Variants in SLC35F3 observed in about 807,000 individuals in gnomAD.
SLC35F3 encodes solute carrier family 35 member F3, also known as putative thiamine transporter SLC35F3.
A neutral mutation model predicts 49.9 loss-of-function variants in SLC35F3; 25 were observed. The ratio of observed to expected loss-of-function variants is 0.50; its 90% CI spans 0.37 to 0.70. The LOEUF (loss-of-function observed/expected upper bound fraction) is 0.70. Among genes scored for constraint, SLC35F3 ranks in the 30% least tolerant of loss-of-function variants. The pLI is 0.00. For synonymous variants in SLC35F3, 275 were observed against 265.4 expected, an observed-to-expected ratio of 1.04 and a Z score of -0.35; for missense variants, 525 against 639.8, an observed-to-expected ratio of 0.82 and a Z score of 1.94.
At chr1:234,012,265 A>G (rs1312642834) in intron 2 of SLC35F3, among the ~76,000 whole-genome samples, 1 of 152,200 alleles carries the variant, frequency 6.6e-6, no homozygotes, top group East Asian at 1.9e-4. Flanking sequence ...AATTGAACAA[A>G]TGTACAATTG....
At chr1:234,143,133 G>A (rs1665942065) in intron 2 of SLC35F3, among the ~76,000 whole-genome samples, 1 of 151,936 alleles carries the variant, frequency 6.6e-6, no homozygotes, top group Non-Finnish European at 1.5e-5. Flanking sequence ...CTGTACTTTA[G>A]ACCTCTAGAT....
intron 2 of SLC35F3, among the ~76,000 whole-genome samples, chr1:234,015,465 G>A (rs1270900520): frequency 1.3e-5 from 2 of 151,968 alleles, no homozygotes; most frequent in African/African-American, 4.8e-5. Context: ...ATAGACACAT[G>A]GACTTATGGA....
chr1:234,194,989 T>G (rs575846055), intron 2 of SLC35F3, among the ~76,000 whole-genome samples: 1 of 152,274 alleles, frequency 6.6e-6, no homozygotes, highest in African/African-American at 2.4e-5. Context: ...ACTTTCAGCA[T>G]CCTCCAGGCA....
chr1:234,032,245 A>G (rs189438862), intron 2 of SLC35F3, among the ~76,000 whole-genome samples: 12 of 152,276 alleles, frequency 7.9e-5, no homozygotes, highest in Admixed American at 3.3e-4. Context: ...ATTTTTAAAT[A>G]TACTCATCAT....
chr1:234,017,892 T>C (rs1255352478), intron 2 of SLC35F3, among the ~76,000 whole-genome samples: 1 of 151,898 alleles, frequency 6.6e-6, no homozygotes. Flanking sequence ...TCAAGGAAGC[T>C]TCTCTAAGGC....
At chr1:234,222,700 C>A (rs978399585) in intron 2 of SLC35F3, among the ~76,000 whole-genome samples, 7 of 152,220 alleles carry the variant, frequency 4.6e-5, no homozygotes, top group Non-Finnish European at 1.0e-4. Context: ...CTGCATATAA[C>A]CTGCCCTCCT....
chr1:233,947,301 A>G (rs889260513), intron 2 of SLC35F3, among the ~76,000 whole-genome samples: 1 of 152,148 alleles, frequency 6.6e-6, no homozygotes, highest in African/African-American at 2.4e-5. Context: ...CCATACTCCC[A>G]CAGGGCATAT....
chr1:234,032,974 T>G (rs1664085355), intron 2 of SLC35F3, among the ~76,000 whole-genome samples: 1 of 152,178 alleles, frequency 6.6e-6, no homozygotes, highest in African/African-American at 2.4e-5. Flanking sequence ...TAGTTTATAT[T>G]CCCACGAACA....
rs145592492 is a variant in SLC35F3, at chr1:233,905,600, A to G, written c.125A>G (p.Lys42Arg). 5.0e-6 allele frequency: 8 copies of G among 1,614,028 alleles called. No individual in the cohort carries two copies. Among genetic ancestry groups the G allele is most frequent in the African/African-American group, 1.3e-5 (1 of 74,930 alleles). ...SDISPQLRQL[K>R]YLVVDEAIKE... is the part of the protein sequence containing the mutation. ...ATCAGCCCCCAGCTCCGGCAGCTCAAGTACTTGGTGGTGGACGAGGCGATT... is the reference window on the plus strand; with the variant it reads ...ATCAGCCCCCAGCTCCGGCAGCTCAGGTACTTGGTGGTGGACGAGGCGATT... Residue 42 changes from lysine to arginine, a missense_variant, in exon 2 of 8, where the codon AAG becomes AGG. Physicochemically the swap from Lys to Arg is conservative, Grantham distance 26. Around this residue, in one of 4 missense-constraint regions of SLC35F3, gnomAD observed 228 missense variants for 218.9 expected, o/e 1.04. Transcript: ENST00000366618.
intron 2 of SLC35F3, among the ~76,000 whole-genome samples, chr1:234,022,186 C>T (rs1663905759): frequency 6.6e-6 from 1 of 152,160 alleles, no homozygotes; most frequent in Non-Finnish European, 1.5e-5. Flanking sequence ...CGTTGAGTTG[C>T]AGGCTGGAAG....
chr1:233,905,702 G>C lies in SLC35F3; in HGVS notation c.227G>C (p.Arg76Pro), dbSNP rs747640163. Residue 76 changes from arginine (R) to proline (P), a missense_variant, in exon 2 of 8, where the codon CGG becomes CCG. Physicochemically the swap from Arg to Pro is moderately radical, Grantham distance 103. This residue lies in a region of SLC35F3 where 228 missense variants were observed against 218.9 expected (regional missense o/e 1.04). Transcript: ENST00000366618. ...GPVGLTSIEE[R>P]ILRITGYYGY... ...GTGGGGCTCACGTCCATCGAGGAGCGGATCCTGCGCATCACTGGCTACTAT... is the reference window on the plus strand; with the variant it reads ...GTGGGGCTCACGTCCATCGAGGAGCCGATCCTGCGCATCACTGGCTACTAT... 6.2e-7 allele frequency: 1 copy of C among 1,614,194 alleles called. No individual in the cohort carries two copies. The highest frequency in any genetic ancestry group is 8.5e-7 in the Non-Finnish European group (1 of 1,180,028).
intron 2 of SLC35F3, among the ~76,000 whole-genome samples, chr1:234,009,012 T>G (rs879640823): frequency 2.6e-5 from 4 of 152,236 alleles, no homozygotes; most frequent in Non-Finnish European, 5.9e-5. Flanking sequence ...TTACATAAAG[T>G]TAATACTCTA....
At chr1:234,227,151 G>A (rs1165564586) in intron 2 of SLC35F3, among the ~76,000 whole-genome samples, 2 of 152,194 alleles carry the variant, frequency 1.3e-5, no homozygotes, top group Admixed American at 6.5e-5. Context: ...CATTGGGCCA[G>A]AGTGTATAAT....
rs566152610 is a variant in SLC35F3 at position 234,276,576 on chromosome 1, T to C, written c.609-32525T>C. On this transcript the variant is annotated intron_variant, in intron 3 of 7. Coordinates refer to ENST00000366618, the MANE Select transcript of SLC35F3 (RefSeq NM_173508.4). ...ATGGGAGCTGTGTCCTGTTGATCCA[T>C]ATCTATCACCAGGACCTGGCCCAGT... Among the ~76,000 whole-genome samples, 65 of 152,314 alleles carry C rather than the reference T, an allele frequency of 4.3e-4. 2 individuals carry two copies. The South Asian group carries it at 0.013, about 31-fold the overall frequency.
intron 2 of SLC35F3, among the ~76,000 whole-genome samples, chr1:233,928,297 T>A (rs965487883): frequency 5.9e-5 from 9 of 152,148 alleles, no homozygotes; most frequent in African/African-American, 2.2e-4. Context: ...TATCAAATAG[T>A]TTTTTAGAAG....
intron 2 of SLC35F3, among the ~76,000 whole-genome samples, chr1:234,163,167 ATTTTGAACTTTCATCAG>A (rs1342797712): frequency 1.3e-5 from 2 of 152,154 alleles, no homozygotes; most frequent in African/African-American, 4.8e-5. Context: ...ACATCACAAA[ATTTTGAACTTTCATCAG>A]TTTTGGTTTT....
chr1:234,225,460 G>A (rs1227750170), intron 2 of SLC35F3, among the ~76,000 whole-genome samples: 2 of 152,162 alleles, frequency 1.3e-5, no homozygotes, highest in African/African-American at 2.4e-5. Flanking sequence ...GGAAAAAGGG[G>A]CAGGAGTTGA....
chr1:234,159,526 G>T (rs979085891), intron 2 of SLC35F3, among the ~76,000 whole-genome samples: 5 of 149,500 alleles, frequency 3.3e-5, no homozygotes, highest in Non-Finnish European at 7.4e-5. Flanking sequence ...GCAGTGAGCC[G>T]AGATCACACC....
At chr1:234,017,698 A>G (rs925350493) in intron 2 of SLC35F3, among the ~76,000 whole-genome samples, 4 of 130,966 alleles carry the variant, frequency 3.1e-5, no homozygotes, top group African/African-American at 1.1e-4. Context: ...TGGGAGACAG[A>G]GCGAGACTTT....
Sources: allele counts gnomAD v4.1 joint callset (sites outside exome capture counted in the v4.1 genomes callset), GRCh38; gene constraint gnomAD v4.1.1; regional missense constraint gnomAD v4.1.1; transcripts MANE v1.5; gene names NCBI Gene and HGNC (gene_info 2026-07-23, HGNC 2026-07-21).